THSD7B: variants seen among roughly 807,000 people sequenced by gnomAD.
THSD7B encodes the protein thrombospondin type-1 domain-containing protein 7B.
In THSD7B, 138 loss-of-function variants were observed where a neutral mutation model predicts 213.6. That is an observed-to-expected ratio of 0.65 (90% CI 0.56 to 0.74). The LOEUF is 0.74. Ranked by LOEUF, THSD7B falls within the 30% of genes least tolerant of loss-of-function variation. The pLI is 0.00. For synonymous variants in THSD7B, 742 were observed against 687.0 expected, an observed-to-expected ratio of 1.08 and a Z score of -1.25; for missense variants, 1,931 against 1,991.5, an observed-to-expected ratio of 0.97 and a Z score of 0.58.
At chr2:136,990,453 A>T (rs533255996) in intron 2 of THSD7B, among the ~76,000 whole-genome samples, 5 of 152,234 alleles carry the variant, frequency 3.3e-5, no homozygotes, top group Admixed American at 3.3e-4. Flanking sequence ...GGGCAGAGTG[A>T]TGAAGACAGC....
At chr2:136,898,800 G>T (rs1684011555) in intron 2 of THSD7B, among the ~76,000 whole-genome samples, 1 of 151,874 alleles carries the variant, frequency 6.6e-6, no homozygotes, top group African/African-American at 2.4e-5. Flanking sequence ...GCACCACCAT[G>T]CCCAGCTAAG....
intron 6 of THSD7B, among the ~76,000 whole-genome samples, chr2:137,162,170 A>G (rs1680032105): frequency 6.6e-6 from 1 of 152,186 alleles, no homozygotes; most frequent in Non-Finnish European, 1.5e-5. Context: ...GCTGCATCCA[A>G]GAGTATAAAC....
intron 2 of THSD7B, among the ~76,000 whole-genome samples, chr2:137,036,387 G>T (rs1457326405): frequency 2.0e-5 from 3 of 152,002 alleles, no homozygotes; most frequent in African/African-American, 7.3e-5. Flanking sequence ...TTTTTTAATG[G>T]AAATATTCAT....
chr2:136,943,731 C>G (rs1684875248), intron 2 of THSD7B, among the ~76,000 whole-genome samples: 1 of 152,028 alleles, frequency 6.6e-6, no homozygotes, highest in Non-Finnish European at 1.5e-5. Context: ...GGTGATTTCC[C>G]CTTTATCATT....
intron 12 of THSD7B, among the ~76,000 whole-genome samples, chr2:137,382,363 A>T (rs1685796274): frequency 6.6e-6 from 1 of 152,200 alleles, no homozygotes; most frequent in South Asian, 2.1e-4. Flanking sequence ...GCTATTCAGT[A>T]GGCAGAAGCC....
chr2:136,976,027 C>T (rs902222311), intron 2 of THSD7B, among the ~76,000 whole-genome samples: 2 of 152,128 alleles, frequency 1.3e-5, no homozygotes, highest in Admixed American at 6.5e-5. Context: ...GATTTTAGCA[C>T]CTTGATTTTG....
At chr2:137,510,200 T>C (rs1679930754) in intron 15 of THSD7B, among the ~76,000 whole-genome samples, 1 of 152,168 alleles carries the variant, frequency 6.6e-6, no homozygotes, top group African/African-American at 2.4e-5. Flanking sequence ...TATTCCTCTA[T>C]TCTTTCTATC....
chr2:137,486,762 A>T (rs570730385), intron 15 of THSD7B, among the ~76,000 whole-genome samples: 1 of 152,310 alleles, frequency 6.6e-6, no homozygotes, highest in South Asian at 2.1e-4. Context: ...TCCTCAGCAA[A>T]TGTAAAAGAA....
chr2:137,556,336 C>G (rs1424586404), intron 15 of THSD7B, among the ~76,000 whole-genome samples: 1 of 151,866 alleles, frequency 6.6e-6, no homozygotes, highest in Non-Finnish European at 1.5e-5. Context: ...AGACTAACAG[C>G]TGATCTCTCA....
chr2:137,070,676 AG>A (rs1466385275), intron 3 of THSD7B, among the ~76,000 whole-genome samples: 1 of 151,836 alleles, frequency 6.6e-6, no homozygotes, highest in Non-Finnish European at 1.5e-5. Context: ...CTCGTCATTT[AG>A]CATTAGGTAT....
In THSD7B at chr2:137,409,051, A is replaced by G. The variant is rs567726343; in HGVS notation, c.2696-2558A>G. On this transcript the variant is annotated intron_variant, in intron 13 of 27. Coordinates refer to ENST00000409968, the MANE Select transcript of THSD7B (RefSeq NM_001316349.2). The stretch of plus-strand genomic sequence containing the variant: ...GTGGTACAATGTAGGCTAGAGGCAG[A>G]TACAAATGGGCACAAATCATATAGG... 9.2e-5 allele frequency among the ~76,000 whole-genome samples: 14 copies of G among 152,352 alleles called. No homozygotes were observed. In the South Asian group the frequency reaches 2.5e-3, roughly 27 times the overall value.
At chr2:137,563,808 A>G (rs1033153615) in intron 16 of THSD7B, among the ~76,000 whole-genome samples, 17 of 152,202 alleles carry the variant, frequency 1.1e-4, no homozygotes, top group Admixed American at 3.3e-4. Context: ...GAGAATACCT[A>G]TGAACAGTAG....
chr2:136,768,274 G>T (rs1292016222), intron 1 of THSD7B, among the ~76,000 whole-genome samples: 1 of 152,094 alleles, frequency 6.6e-6, no homozygotes, highest in Non-Finnish European at 1.5e-5. Flanking sequence ...CGAAAAAGCA[G>T]AATAAAAAGA....
intron 6 of THSD7B, among the ~76,000 whole-genome samples, chr2:137,164,244 T>G (rs916611064): frequency 6.6e-6 from 1 of 152,028 alleles, no homozygotes; most frequent in East Asian, 1.9e-4. Flanking sequence ...AATCAATACT[T>G]TTTTCAAAGG....
intron 10 of THSD7B, among the ~76,000 whole-genome samples, chr2:137,270,154 C>G (rs1442074018): frequency 7.9e-6 from 1 of 125,834 alleles, no homozygotes; most frequent in Non-Finnish European, 1.6e-5. Flanking sequence ...GATAGGGAGA[C>G]AGTGTGAGGC....
At chr2:137,185,302 A>G (rs1175604731) in intron 7 of THSD7B, among the ~76,000 whole-genome samples, 1 of 151,888 alleles carries the variant, frequency 6.6e-6, no homozygotes, top group Non-Finnish European at 1.5e-5. Flanking sequence ...GGTTTGTTAC[A>G]AAGGTATATT....
intron 9 of THSD7B, among the ~76,000 whole-genome samples, chr2:137,237,983 C>T (rs940894582): frequency 3.9e-5 from 6 of 152,210 alleles, no homozygotes; most frequent in Admixed American, 1.3e-4. Flanking sequence ...GACCTTTGCC[C>T]TTGAGGGAAT....
At position 137,202,296 on chromosome 2, in the gene THSD7B, G is replaced by A. The variant is rs570971982; in HGVS notation, c.1724-28748G>A. ...ATGTGATCTTAAAAATTTGGGAAAAGGGTGTCTGCTAATGTGGTTAAGGAT... is the reference window on the plus strand; with the variant it reads ...ATGTGATCTTAAAAATTTGGGAAAAAGGTGTCTGCTAATGTGGTTAAGGAT... On this transcript the variant is annotated intron_variant, in intron 7 of 27. Coordinates refer to ENST00000409968, the MANE Select transcript of THSD7B (RefSeq NM_001316349.2). 5.8e-3 allele frequency among the ~76,000 whole-genome samples: 879 copies of A among 152,188 alleles called. 8 individuals are homozygous for A. The highest frequency in any genetic ancestry group is 6.6e-3 in the Non-Finnish European group (450 of 67,992).
chr2:137,161,380 G>A (rs770084628), intron 6 of THSD7B, among the ~76,000 whole-genome samples: 1 of 152,126 alleles, frequency 6.6e-6, no homozygotes, highest in Non-Finnish European at 1.5e-5. Flanking sequence ...TACATGCAAA[G>A]CAAGAATCCA....
Sources: gnomAD v4.1 joint callset for allele counts (sites outside exome capture counted in the v4.1 genomes callset) on GRCh38, gnomAD v4.1.1 for gene constraint, MANE v1.5 for transcripts, NCBI Gene and HGNC (gene_info 2026-07-23, HGNC 2026-07-21) for gene names.